The following SLC24A3 variants were observed in gnomAD, a reference collection of about 807,000 sequenced individuals.
SLC24A3 encodes sodium/potassium/calcium exchanger 3.
In SLC24A3, 28 loss-of-function variants were observed where a neutral mutation model predicts 75.8. The ratio of observed to expected loss-of-function variants is 0.37; its 90% CI spans 0.27 to 0.51. The LOEUF (loss-of-function observed/expected upper bound fraction) is 0.51. SLC24A3 is among the 20% of genes least tolerant of loss of function. The pLI, the probability that SLC24A3 is intolerant of heterozygous loss-of-function variation, is 0.94. For synonymous variants in SLC24A3, 372 were observed against 334.1 expected (o/e 1.11, Z -1.24); for missense variants, 663 against 847.8 (o/e 0.78, Z 2.71).
At chr20:19,711,647 T>C (rs556557180) in intron 15 of SLC24A3, among the ~76,000 whole-genome samples, 7 of 133,468 alleles carry the variant, frequency 5.2e-5, no homozygotes, top group African/African-American at 1.6e-4. Context: ...TGCTTTTTTC[T>C]TTTTTTTTTT....
At chr20:19,216,526 T>C (rs1981559937) in intron 1 of SLC24A3, among the ~76,000 whole-genome samples, 1 of 152,106 alleles carries the variant, frequency 6.6e-6, no homozygotes, top group African/African-American at 2.4e-5. Context: ...GCAGGATTGT[T>C]TGAGCCCAGA....
intron 2 of SLC24A3, among the ~76,000 whole-genome samples, chr20:19,297,914 G>A (rs1230703535): frequency 1.3e-5 from 2 of 152,284 alleles, no homozygotes; most frequent in East Asian, 1.9e-4. Context: ...TGCTAGGAAG[G>A]GAAGGGAAGA....
chr20:19,232,854 C>T (rs13037401), intron 1 of SLC24A3, among the ~76,000 whole-genome samples: 4,634 of 152,262 alleles, frequency 0.03, 91 homozygotes, highest in Non-Finnish European at 0.044. Flanking sequence ...AAACTCATTC[C>T]TCATCAGAAA....
At position 19,678,441 on chromosome 20, in the gene SLC24A3, C is replaced by T. The variant is rs1359023333; in HGVS notation, c.768-3417C>T. On this transcript the variant is annotated intron_variant, in intron 9 of 16. Transcript: ENST00000328041. ...GCAGAGGCGCCCCTCACCTCCCGGA[C>T]GGGGCGGCTGGCCGGGCGGGGGGCT... 1.5e-3 allele frequency among the ~76,000 whole-genome samples: 197 copies of T among 134,392 alleles called. 3 individuals carry two copies. Among genetic ancestry groups the T allele is most frequent in the African/African-American group, 5.2e-3 (176 of 33,876 alleles). The allele number at this position is 134,392 out of a possible 152,430, so 88.2% of individuals were successfully genotyped here.
intron 2 of SLC24A3, among the ~76,000 whole-genome samples, chr20:19,321,767 A>G (rs140431522): frequency 1.2e-4 from 18 of 152,334 alleles, no homozygotes; most frequent in African/African-American, 3.6e-4. Flanking sequence ...ATTAATGTCA[A>G]TAATGTCTAA....
chr20:19,705,228 G>A lies in SLC24A3; in HGVS notation c.1719+6548G>A, dbSNP rs141237912. On this transcript the variant is annotated intron_variant, in intron 15 of 16. Transcript: ENST00000328041. ...CCTAAAAGTACCAACAGGCATAATG[G>A]GGGCTGCACTCCTTGCTGTCCTGGG... 2.3e-3 allele frequency among the ~76,000 whole-genome samples: 349 copies of A among 152,272 alleles called. 1 individual carries two copies. Among genetic ancestry groups the A allele is most frequent in the African/African-American group, 8.0e-3 (332 of 41,562 alleles).
chr20:19,321,899 T>C (rs777011698), intron 2 of SLC24A3, among the ~76,000 whole-genome samples: 2 of 152,232 alleles, frequency 1.3e-5, no homozygotes, highest in African/African-American at 4.8e-5. Flanking sequence ...TGCCATTTTC[T>C]TTTTCTTCCA....
intron 6 of SLC24A3, among the ~76,000 whole-genome samples, chr20:19,631,105 A>G (rs947459402): frequency 2.2e-4 from 34 of 152,252 alleles, no homozygotes; most frequent in African/African-American, 2.4e-5. Flanking sequence ...GCACTTTGGG[A>G]GGCTGAGGTG....
intron 2 of SLC24A3, among the ~76,000 whole-genome samples, chr20:19,372,334 AG>A (rs1986007149): frequency 6.6e-6 from 1 of 152,222 alleles, no homozygotes; most frequent in African/African-American, 2.4e-5. Context: ...TTTCAAGACA[AG>A]TGAAGCCTCA....
intron 1 of SLC24A3, chr20:19,264,073 C>G (rs1030426521): frequency 6.7e-6 from 1 of 149,320 alleles, no homozygotes; most frequent in Non-Finnish European, 1.5e-5. Flanking sequence ...AAAAAAAATG[C>G]TTACTGTGGT....
Position 19,272,245 on chromosome 20 carries a change from G to A in SLC24A3, c.143-8714G>A, listed in dbSNP as rs148815636. On this transcript the variant is annotated intron_variant, in intron 1 of 16. Transcript: ENST00000328041. ...AGGAGGGTTGCCCCTCAGGGTCTGG[G>A]AGCAGTAACTCAGACTCCAGTGGTC... Among the ~76,000 whole-genome samples, 146 of 152,354 alleles carry A rather than the reference G, an allele frequency of 9.6e-4. 2 individuals carry two copies. In the East Asian group the frequency reaches 0.018, roughly 19 times the overall value.
intron 13 of SLC24A3, chr20:19,693,822 A>G (rs998443791): frequency 1.9e-5 from 3 of 161,388 alleles, no homozygotes; most frequent in African/African-American, 4.8e-5. Flanking sequence ...GAAACACGAA[A>G]TGCCTCCAGG....
intron 2 of SLC24A3, among the ~76,000 whole-genome samples, chr20:19,486,468 G>A (rs537606812): frequency 3.3e-4 from 51 of 152,278 alleles, no homozygotes; most frequent in African/African-American, 1.0e-3. Flanking sequence ...GAAAATTTCC[G>A]AAAGAAAGTA....
rs34771093 is a variant in SLC24A3 at position 19,406,213 on chromosome 20, C to CGT, written c.272-109261_272-109260dup. Among the ~76,000 whole-genome samples, 113 of 145,966 alleles carry CGT rather than the reference C, an allele frequency of 7.7e-4. 1 individual carries two copies. The East Asian group carries it at 0.018, about 24-fold the overall frequency. ...GTGTGTGTGTGTGTGTGTGTGCGTG[C>CGT]GTGTGTGTGTGTGTGAGAGAGAGAG... On this transcript the variant is annotated intron_variant, in intron 2 of 16. Transcript: ENST00000328041.
intron 3 of SLC24A3, among the ~76,000 whole-genome samples, chr20:19,548,040 A>AGAG (rs1600275787): frequency 6.6e-6 from 1 of 152,228 alleles, no homozygotes; most frequent in East Asian, 1.9e-4. Context: ...TTCTCCTCTG[A>AGAG]ATTAACATGG....
chr20:19,597,477 G>T (rs2031466247), intron 6 of SLC24A3, among the ~76,000 whole-genome samples: 1 of 152,148 alleles, frequency 6.6e-6, no homozygotes, highest in South Asian at 2.1e-4. Context: ...TTAGGTACAT[G>T]TGATATTTTA....
intron 2 of SLC24A3, among the ~76,000 whole-genome samples, chr20:19,430,163 G>C (rs1987075737): frequency 6.6e-6 from 1 of 152,194 alleles, no homozygotes; most frequent in Non-Finnish European, 1.5e-5. Flanking sequence ...GCTCTTGCTG[G>C]GGTAAAGGCC....
chr20:19,668,053 G>C (rs1211985777), intron 8 of SLC24A3, among the ~76,000 whole-genome samples: 1 of 151,694 alleles, frequency 6.6e-6, no homozygotes, highest in Non-Finnish European at 1.5e-5. Context: ...CATAAGTCAT[G>C]CACAGTTGTG....
intron 2 of SLC24A3, among the ~76,000 whole-genome samples, chr20:19,282,502 C>T (rs1983694075): frequency 1.3e-5 from 2 of 152,196 alleles, no homozygotes; most frequent in Non-Finnish European, 2.9e-5. Context: ...GACTGAACCA[C>T]GTGTACTTTA....
Sources: gnomAD v4.1 joint callset for allele counts (sites outside exome capture counted in the v4.1 genomes callset) on GRCh38, gnomAD v4.1.1 for gene constraint, MANE v1.5 for transcripts, NCBI Gene and HGNC (gene_info 2026-07-23, HGNC 2026-07-21) for gene names.